The following GPRC5A variants were observed in gnomAD, a reference collection of about 807,000 sequenced individuals.
The protein encoded by GPRC5A is G protein-coupled receptor class C group 5 member A.
Under a neutral mutation model 22.5 loss-of-function variants are expected in GPRC5A, and 19 were observed. The observed-to-expected ratio is 0.85, with a 90% CI of 0.59 to 1.24. GPRC5A has a LOEUF of 1.24. Among genes scored for constraint, GPRC5A ranks in the 50% most tolerant of loss-of-function variants. The probability of loss-of-function intolerance (pLI) is 0.00; values close to 1 mark genes in which losing one functional copy is unlikely to be tolerated. For missense variants in GPRC5A, 471 were observed against 451.1 expected (o/e 1.04, Z -0.40); for synonymous variants, 192 against 184.5 (o/e 1.04, Z -0.33).
At position 12,912,721 on chromosome 12, in the gene GPRC5A, T is replaced by C; in HGVS notation, c.*182T>C. 1 of 537,326 alleles carries C rather than the reference T, an allele frequency of 1.9e-6. No homozygotes were observed. The highest frequency in any genetic ancestry group is 3.3e-6 in the Non-Finnish European group (1 of 303,850). 33.3% of individuals were successfully genotyped at this position (537,326 alleles called of 1,614,324 possible). A position where few individuals can be genotyped will look rare whatever the true frequency, so the allele number is the denominator to read the frequency against. On this transcript the variant is annotated 3_prime_UTR_variant, in exon 4 of 4. Transcript: ENST00000014914. ...TGGGGCTGATGTGGGCTAGTAAGAC[T>C]CCAGTTCTTAGAGGCGCTGTAGTAT... is the stretch of plus-strand genomic sequence containing the variant.
intron 1 of GPRC5A, among the ~76,000 whole-genome samples, chr12:12,895,461 G>T (rs1443868486): frequency 6.7e-6 from 1 of 149,612 alleles, no homozygotes. Context: ...TATATGGTTT[G>T]GTTGTCTCCA....
chr12:12,905,494 C>T (rs1033575731), intron 1 of GPRC5A, among the ~76,000 whole-genome samples: 1 of 152,116 alleles, frequency 6.6e-6, no homozygotes, highest in African/African-American at 2.4e-5. Flanking sequence ...AAGCATGGAA[C>T]ACAACAAAAA....
chr12:12,893,260 C>T (rs891640419), intron 1 of GPRC5A, among the ~76,000 whole-genome samples: 1 of 152,236 alleles, frequency 6.6e-6, no homozygotes, highest in African/African-American at 2.4e-5. Flanking sequence ...CATCTGCACA[C>T]GTCGCCTTGG....
At position 12,912,719 on chromosome 12, in the gene GPRC5A, A is replaced by C. The variant is rs1592353093; in HGVS notation, c.*180A>C. On this transcript the variant is annotated 3_prime_UTR_variant, in exon 4 of 4. Transcript: ENST00000014914. ...GCTGGGGCTGATGTGGGCTAGTAAG[A>C]CTCCAGTTCTTAGAGGCGCTGTAGT... The C allele has an allele frequency of 7.8e-6, 4 of 514,340 alleles. No individual in the cohort carries two copies. The highest frequency in any genetic ancestry group is 6.9e-6 in the Non-Finnish European group (2 of 291,864). The allele number at this position is 514,340 out of a possible 1,614,324, so 31.9% of individuals were successfully genotyped here. A position where few individuals can be genotyped will look rare whatever the true frequency, so the allele number is the denominator to read the frequency against.
At chr12:12,898,354 C>T (rs527841296) in intron 1 of GPRC5A, among the ~76,000 whole-genome samples, 81 of 152,118 alleles carry the variant, frequency 5.3e-4, no homozygotes, top group Non-Finnish European at 9.4e-4. Flanking sequence ...GGCAACATAG[C>T]GAGACCCCAC....
At position 12,917,211 on chromosome 12, in the gene GPRC5A, T is replaced by A; in HGVS notation, c.*4672T>A. On this transcript the variant is annotated 3_prime_UTR_variant, in exon 4 of 4. Transcript: ENST00000014914. ...AGGATGTTCCAAGGATGCTGCTGGA[T>A]CTGTGTGTGTGTGTGTGTGTGTGTG... The A allele has an allele frequency of 8.4e-6, 1 of 119,494 alleles. No individual in the cohort carries two copies. The highest frequency in any genetic ancestry group is 1.7e-5 in the Non-Finnish European group (1 of 57,440). The allele number at this position is 119,494 out of a possible 1,614,324, so 7.4% of individuals were successfully genotyped here.
rs1864011348 is a variant in GPRC5A at position 12,912,109 on chromosome 12, C to G, written c.948C>G (p.Leu316=). The change falls in exon 3 of 4, where the codon CTC becomes CTG. Residue 316 remains leucine, a synonymous_variant. Transcript: ENST00000014914. The part of the protein sequence containing the change: ...TQGFEETGDT[L]YAPYSTHFQL... ...GTTTTGAAGAGACAGGGGACACGCTCTATGCCCCCTATTCCACACATTTTC... is the reference window on the plus strand; with the variant it reads ...GTTTTGAAGAGACAGGGGACACGCTGTATGCCCCCTATTCCACACATTTTC... 7 of 1,613,152 alleles carry G rather than the reference C, an allele frequency of 4.3e-6. No homozygotes were observed. The highest frequency in any genetic ancestry group is 5.1e-6 in the Non-Finnish European group (6 of 1,179,052).
At position 12,915,815 on chromosome 12, in the gene GPRC5A, C is replaced by T. The variant is rs1210726198; in HGVS notation, c.*3276C>T. 1.9e-6 allele frequency: 1 copy of T among 514,086 alleles called. No individual in the cohort carries two copies. Among genetic ancestry groups the T allele is most frequent in the African/African-American group, 1.9e-5 (1 of 51,424 alleles). 31.8% of individuals were successfully genotyped at this position (514,086 alleles called of 1,614,324 possible). A position where few individuals can be genotyped will look rare whatever the true frequency, so the allele number is the denominator to read the frequency against. On this transcript the variant is annotated 3_prime_UTR_variant, in exon 4 of 4. Transcript: ENST00000014914. ...ACAGGCATGAGCCACCGCGCCCGGC[C>T]CCGTTGTTTCCCTTCTAAGAAACGC... is the stretch of plus-strand genomic sequence containing the variant.
intron 2 of GPRC5A, chr12:12,910,002 C>CAGATGAAACAA (rs1383864278): frequency 6.7e-6 from 1 of 148,632 alleles, no homozygotes; most frequent in Non-Finnish European, 1.5e-5. Context: ...TTGAGACAAG[C>CAGATGAAACAA]CAGATGTTCT....
At chr12:12,892,944 T>C (rs919413837) in intron 1 of GPRC5A, among the ~76,000 whole-genome samples, 6 of 152,032 alleles carry the variant, frequency 3.9e-5, no homozygotes, top group Non-Finnish European at 8.8e-5. Context: ...CAGGTTTGCA[T>C]GCCGGTGTCT....
In GPRC5A at chr12:12,895,843, AT is replaced by A. The variant is rs1863817770; in HGVS notation, c.-8+4181del. On this transcript the variant is annotated intron_variant, in intron 1 of 3. Coordinates refer to ENST00000014914, the MANE Select transcript of GPRC5A (RefSeq NM_003979.4). ...ATACAAAAAAAAAAAAAAAAAAAAA[AT>A]TAGCCGGGCGTGGTGGTGGGTGCCT... 4.1e-5 allele frequency among the ~76,000 whole-genome samples: 6 copies of A among 147,104 alleles called. 1 individual carries two copies. Among genetic ancestry groups the A allele is most frequent in the Admixed American group, 1.4e-4 (2 of 14,706 alleles).
intron 1 of GPRC5A, among the ~76,000 whole-genome samples, chr12:12,902,906 AAAAATAC>A (rs1863904353): frequency 6.6e-6 from 1 of 152,168 alleles, no homozygotes; most frequent in South Asian, 2.1e-4. Flanking sequence ...TGTCTCTACT[AAAAATAC>A]AAAATTAGCC....
rs1555104686 is a variant in GPRC5A at position 12,900,912 on chromosome 12, AAC to A, written c.-7-7329_-7-7328del. On this transcript the variant is annotated intron_variant, in intron 1 of 3. Coordinates refer to ENST00000014914, the MANE Select transcript of GPRC5A (RefSeq NM_003979.4). ...GTCTCAAAAAAAAAAAAAAAAAAAA[AAC>A]AAAAAAAAAACAACCCAGAAAAACC... 1.6e-4 allele frequency among the ~76,000 whole-genome samples: 20 copies of A among 121,510 alleles called. 2 individuals are homozygous for A. Among genetic ancestry groups the A allele is most frequent in the East Asian group, 7.1e-4 (3 of 4,252 alleles). 79.7% of individuals were successfully genotyped at this position (121,510 alleles called of 152,430 possible). A position where few individuals can be genotyped will look rare whatever the true frequency, so the allele number is the denominator to read the frequency against.
chr12:12,915,742 G>T lies in GPRC5A; in HGVS notation c.*3203G>T. 2 of 381,046 alleles carry T rather than the reference G, an allele frequency of 5.2e-6. No individual in the cohort carries two copies. The allele number at this position is 381,046 out of a possible 1,614,324, so 23.6% of individuals were successfully genotyped here. ...CCAAACCTCGTGATCCACCTACCTT[G>T]GCCTCTGAAAGTGCTGGGATACCGT... On this transcript the variant is annotated 3_prime_UTR_variant, in exon 4 of 4. Transcript: ENST00000014914.
Position 12,912,459 on chromosome 12 carries a change from CA to C in GPRC5A, c.998del (p.Lys333ArgfsTer20). The C allele has an allele frequency of 6.2e-7, 1 of 1,610,130 alleles. No individual in the cohort carries two copies. Among genetic ancestry groups the C allele is most frequent in the Non-Finnish European group, 8.5e-7 (1 of 1,176,390 alleles). On this transcript the variant is annotated frameshift_variant, in exon 4 of 4. Coordinates refer to ENST00000014914, the MANE Select transcript of GPRC5A (RefSeq NM_003979.4). LOFTEE classifies it high-confidence loss of function. ...THFQLQNQPP[Q>X]KEFSIPRAHA... ...GTTTCCTTTTCAGAACCAGCCTCCC[CA>C]AAAGGAATTCTCCATCCCACGGGCC...
Position 12,909,038 on chromosome 12 carries a change from C to T in GPRC5A, c.789C>T (p.Pro263=), listed in dbSNP as rs1317076437. ...GWVFLLAYVS[P]EFWLLTKQRN... is the part of the protein sequence containing the mutation. ...TGTTCCTGTTGGCTTATGTTAGTCC[C>T]GAGTTTTGGCTGCTCACAAAGCAAC... Residue 263 remains proline (P), a synonymous_variant, in exon 2 of 4, where the codon CCC becomes CCT. Coordinates refer to ENST00000014914, the MANE Select transcript of GPRC5A (RefSeq NM_003979.4). 9 of 1,612,472 alleles carry T rather than the reference C, an allele frequency of 5.6e-6. No homozygotes were observed. In the Admixed American group the frequency reaches 6.7e-5, roughly 12 times the overall value.
chr12:12,893,106 C>G (rs1863781315), intron 1 of GPRC5A, among the ~76,000 whole-genome samples: 1 of 152,200 alleles, frequency 6.6e-6, no homozygotes, highest in African/African-American at 2.4e-5. Flanking sequence ...AGCTCTCAAC[C>G]TTGAGTCAGG....
chr12:12,902,730 C>A (rs1052411562), intron 1 of GPRC5A, among the ~76,000 whole-genome samples: 1 of 151,818 alleles, frequency 6.6e-6, no homozygotes, highest in African/African-American at 2.4e-5. Context: ...ACAGTCACAC[C>A]ACTGCACTCC....
At position 12,909,160 on chromosome 12, in the gene GPRC5A, A is replaced by C; in HGVS notation, c.911A>C (p.Glu304Ala). ...GAGAACAGAGCCTACTCTCAAGAGGAAATCACTCAAGGTACAGATGCAGCC... is the reference window on the plus strand; with the variant it reads ...GAGAACAGAGCCTACTCTCAAGAGGCAATCACTCAAGGTACAGATGCAGCC... ...GVENRAYSQE[E>A]ITQGFEETGD... The change falls in exon 2 of 4, where the codon GAA becomes GCA. Residue 304 changes from glutamate (E) to alanine (A), a missense_variant. By Grantham distance (107) the Glu-to-Ala change is moderately radical. Transcript: ENST00000014914. 1 of 1,586,344 alleles carries C rather than the reference A, an allele frequency of 6.3e-7. No individual in the cohort carries two copies.
Sources: gnomAD v4.1 joint callset for allele counts (sites outside exome capture counted in the v4.1 genomes callset) on GRCh38, gnomAD v4.1.1 for gene constraint, MANE v1.5 for transcripts, NCBI Gene and HGNC (gene_info 2026-07-23, HGNC 2026-07-21) for gene names.